The following ATP8A2 variants were observed in gnomAD, a reference collection of about 807,000 sequenced individuals.
The protein encoded by ATP8A2 is ATPase phospholipid transporting 8A2.
Under a neutral mutation model 165.6 loss-of-function variants are expected in ATP8A2, and 100 were observed. That is an observed-to-expected ratio of 0.60 (90% CI 0.51 to 0.71). ATP8A2 has a LOEUF of 0.71. Among genes scored for constraint, ATP8A2 ranks in the 30% least tolerant of loss-of-function variants. ATP8A2 has a pLI of 0.00. For missense variants in ATP8A2, 1,227 were observed against 1,479.5 expected, an observed-to-expected ratio of 0.83 and a Z score of 2.80; for synonymous variants, 543 against 548.8, an observed-to-expected ratio of 0.99 and a Z score of 0.15.
At chr13:25,618,791 G>A (rs926369438) in intron 24 of ATP8A2, among the ~76,000 whole-genome samples, 3 of 151,792 alleles carry the variant, frequency 2.0e-5, no homozygotes, top group African/African-American at 7.3e-5. Context: ...AGACTTTGCA[G>A]GGTCACATAG....
chr13:25,571,191 G>A (rs2039457859), intron 17 of ATP8A2, among the ~76,000 whole-genome samples: 1 of 152,170 alleles, frequency 6.6e-6, no homozygotes, highest in Admixed American at 6.5e-5. Flanking sequence ...CCACCTCATA[G>A]ATTTTCCGCC....
At chr13:25,645,547 T>C (rs1222595740) in intron 24 of ATP8A2, among the ~76,000 whole-genome samples, 1 of 152,212 alleles carries the variant, frequency 6.6e-6, no homozygotes, top group Non-Finnish European at 1.5e-5. Context: ...CATAGGCATT[T>C]ATTGCTGTAA....
At chr13:25,530,782 C>T (rs2038005911) in intron 4 of ATP8A2, 122 bp downstream of exon 4, 2 of 639,748 alleles carry the variant, frequency 3.1e-6, no homozygotes, top group Non-Finnish European at 5.5e-6. Flanking sequence ...TCTTTAGACA[C>T]CTGATGGTAT....
At chr13:25,469,196 G>T in intron 2 of ATP8A2, 75 bp downstream of exon 2, 1 of 1,532,968 alleles carries the variant, frequency 6.5e-7, no homozygotes, top group Non-Finnish European at 8.8e-7. Context: ...CCTGCGCGGG[G>T]CTTGGCCGCG....
At chr13:25,762,268 C>CAAAAAA (rs59081934) in intron 25 of ATP8A2, among the ~76,000 whole-genome samples, 10,822 of 41,238 alleles carry the variant, frequency 0.26, 4,410 homozygotes, top group East Asian at 0.33. Flanking sequence ...GACTCTGTCT[C>CAAAAAA]AAAAAAAAAA....
intron 7 of ATP8A2, 26 bp from the exon 8 acceptor site, chr13:25,540,293 T>A: frequency 6.3e-7 from 1 of 1,579,410 alleles, no homozygotes; most frequent in Non-Finnish European, 8.7e-7. Flanking sequence ...CTTATGAAAC[T>A]TGGCTCTTTT....
intron 18 of ATP8A2, among the ~76,000 whole-genome samples, chr13:25,574,325 G>A (rs193120537): frequency 6.6e-6 from 1 of 152,270 alleles, no homozygotes; most frequent in Non-Finnish European, 1.5e-5. Context: ...TTATTTGGCA[G>A]CAAAACCTAA....
At chr13:25,392,112 C>T (rs1390663443) in intron 1 of ATP8A2, among the ~76,000 whole-genome samples, 3 of 152,244 alleles carry the variant, frequency 2.0e-5, no homozygotes, top group Non-Finnish European at 4.4e-5. Flanking sequence ...GCTGACCTCA[C>T]ACGCAGCAAT....
At chr13:25,438,234 C>T (rs1191952454) in intron 1 of ATP8A2, among the ~76,000 whole-genome samples, 2 of 152,066 alleles carry the variant, frequency 1.3e-5, no homozygotes, top group African/African-American at 2.4e-5. Context: ...CTCTAAAAAC[C>T]GCCTTCTCTT....
chr13:25,571,562 T>G (rs1466046820), intron 17 of ATP8A2, 48 bp from the exon 18 acceptor site: 5 of 1,403,014 alleles, frequency 3.6e-6, no homozygotes, highest in Non-Finnish European at 5.0e-6. Context: ...AACAGAATTC[T>G]GTCACTACCA....
chr13:25,956,752 A>G (rs1955533084), intron 33 of ATP8A2, among the ~76,000 whole-genome samples: 1 of 152,246 alleles, frequency 6.6e-6, no homozygotes, highest in Non-Finnish European at 1.5e-5. Flanking sequence ...CTTTCTTCAC[A>G]GAATTAGAAA....
chr13:25,593,463 A>G (rs1202240670), intron 24 of ATP8A2, among the ~76,000 whole-genome samples: 2 of 152,170 alleles, frequency 1.3e-5, no homozygotes, highest in Admixed American at 1.3e-4. Flanking sequence ...CATAATATAG[A>G]TGAGATCAGT....
intron 1 of ATP8A2, among the ~76,000 whole-genome samples, chr13:25,467,556 G>GTTT (rs543308826): frequency 7.0e-5 from 10 of 143,586 alleles, no homozygotes; most frequent in Non-Finnish European, 1.1e-4. Flanking sequence ...TAAGATGTCA[G>GTTT]TTTTTTTTTT....
chr13:25,375,454 A>G (rs189434456), intron 1 of ATP8A2, among the ~76,000 whole-genome samples: 95 of 152,296 alleles, frequency 6.2e-4, no homozygotes, highest in Admixed American at 2.9e-3. Context: ...GTTGTTTTCT[A>G]TGGACGACAG....
intron 25 of ATP8A2, among the ~76,000 whole-genome samples, chr13:25,745,569 C>T (rs61947347): frequency 0.088 from 13,421 of 152,152 alleles, 780 homozygotes; most frequent in Non-Finnish European, 0.14. Flanking sequence ...TATCTAGGCT[C>T]TGGACTATGT....
At chr13:25,655,621 G>A (rs560042352) in intron 24 of ATP8A2, among the ~76,000 whole-genome samples, 2 of 151,880 alleles carry the variant, frequency 1.3e-5, no homozygotes, top group South Asian at 2.1e-4. Flanking sequence ...GTTGATGGTC[G>A]AGCAGCTATC....
chr13:25,468,888 G>GCCGC (rs1366983874), intron 1 of ATP8A2, 89 bp from the exon 2 acceptor site: 7 of 1,562,382 alleles, frequency 4.5e-6, no homozygotes, highest in East Asian at 4.7e-5. Flanking sequence ...CCCGCCGGTG[G>GCCGC]CCGCCCGCCC....
intron 35 of ATP8A2, among the ~76,000 whole-genome samples, chr13:25,980,757 G>A (rs560156676): frequency 8.1e-4 from 123 of 152,268 alleles, no homozygotes; most frequent in African/African-American, 2.8e-3. Context: ...TGTATTCCCA[G>A]CTACTCAAGA....
At chr13:25,915,259 C>CG (rs1232364078) in intron 33 of ATP8A2, among the ~76,000 whole-genome samples, 4 of 152,174 alleles carry the variant, frequency 2.6e-5, no homozygotes, top group Non-Finnish European at 5.9e-5. Context: ...TTACCATCAA[C>CG]GGGTTGTGTA....
Sources: allele counts gnomAD v4.1 joint callset (sites outside exome capture counted in the v4.1 genomes callset), GRCh38; gene constraint gnomAD v4.1.1; transcripts MANE v1.5; gene names NCBI Gene and HGNC (gene_info 2026-07-23, HGNC 2026-07-21).